The following NUP62CL variants were observed in gnomAD, a reference collection of about 807,000 sequenced individuals.
NUP62CL encodes nucleoporin 62 C-terminal like.
NUP62CL carries 13 observed loss-of-function variants against 15.3 expected under a neutral mutation model. The observed-to-expected ratio is 0.85, with a 90% CI of 0.55 to 1.35. The LOEUF (loss-of-function observed/expected upper bound fraction) is 1.35. Ranked by LOEUF, NUP62CL falls within the 40% of genes most tolerant of loss-of-function variation. NUP62CL has a pLI of 0.00. For synonymous variants in NUP62CL, 54 were observed against 49.2 expected (o/e 1.10, Z -0.41); for missense variants, 123 against 130.6 (o/e 0.94, Z 0.28).
At chrX:107,169,771 C>T (rs1926601818) in intron 3 of NUP62CL, among the ~76,000 whole-genome samples, 1 of 111,350 alleles carries the variant, frequency 9.0e-6, no homozygotes, top group African/African-American at 3.3e-5. Context: ...TTAATTCAAC[C>T]AAACACTGAG....
chrX:107,204,726 TTAAA>T (rs1377335607), intron 1 of NUP62CL, among the ~76,000 whole-genome samples: 1 of 91,645 alleles, frequency 1.1e-5, no homozygotes, highest in African/African-American at 4.6e-5. Context: ...AATTATTTAT[TTAAA>T]TAAATTTTAA....
At chrX:107,140,323 C>G (rs1602638168) in intron 8 of NUP62CL, among the ~76,000 whole-genome samples, 1 of 111,398 alleles carries the variant, frequency 9.0e-6, no homozygotes, top group African/African-American at 3.3e-5. Context: ...TTATGTTCTT[C>G]TTCCTTTACC....
chrX:107,136,935 A>C (rs1339967815), intron 8 of NUP62CL, among the ~76,000 whole-genome samples: 3 of 111,312 alleles, frequency 2.7e-5, no homozygotes, highest in Non-Finnish European at 5.7e-5. Context: ...GTGTGGTGGC[A>C]CGTCTGTAAT....
intron 4 of NUP62CL, among the ~76,000 whole-genome samples, chrX:107,156,508 C>G (rs1387595882): frequency 1.9e-5 from 2 of 105,207 alleles, no homozygotes; most frequent in Non-Finnish European, 3.9e-5. Context: ...AGGCACCCCC[C>G]AGCAGGGGCA....
At chrX:107,195,304 C>G (rs773372362) in intron 1 of NUP62CL, among the ~76,000 whole-genome samples, 1 of 112,177 alleles carries the variant, frequency 8.9e-6, no homozygotes, top group African/African-American at 3.2e-5. Context: ...ATCTGATTTA[C>G]TATCTCCTCC....
chrX:107,204,893 A>T lies in NUP62CL; in HGVS notation c.-92+1380T>A, dbSNP rs867443662. ...AATTATTTAAATAAATTTTAAATAA[A>T]TTATTTAAATAAATTTTAAATAAAT... On this transcript the variant is annotated intron_variant, in intron 1 of 8. Coordinates refer to ENST00000372466, the MANE Select transcript of NUP62CL (RefSeq NM_017681.3). Among the ~76,000 whole-genome samples the T allele has an allele frequency of 1.0e-4, 6 of 58,641 alleles. No homozygotes were observed. In the Admixed American group the frequency reaches 1.2e-3, roughly 12 times the overall value. The allele number at this position is 58,641 out of a possible 115,157, so 50.9% of individuals were successfully genotyped here.
chrX:107,148,596 A>C (rs1925937391), intron 7 of NUP62CL, among the ~76,000 whole-genome samples: 1 of 112,004 alleles, frequency 8.9e-6, no homozygotes, highest in South Asian at 3.7e-4. Context: ...ATACAAAAGA[A>C]GTATTTTTAG....
intron 8 of NUP62CL, among the ~76,000 whole-genome samples, chrX:107,133,329 C>T (rs1041789770): frequency 8.2e-5 from 9 of 109,222 alleles, no homozygotes; most frequent in Non-Finnish European, 9.5e-5. Flanking sequence ...ATTTTAAGAT[C>T]GATAACTTTT....
chrX:107,205,113 T>C (rs2147822264), intron 1 of NUP62CL, among the ~76,000 whole-genome samples: 1 of 111,141 alleles, frequency 9.0e-6, no homozygotes. Flanking sequence ...TAAAAACAGT[T>C]GTCGGTTATA....
intron 8 of NUP62CL, among the ~76,000 whole-genome samples, chrX:107,125,624 A>C (rs907807833): frequency 9.0e-6 from 1 of 111,547 alleles, no homozygotes; most frequent in African/African-American, 3.3e-5. Context: ...CTGGCAAACT[A>C]TATCTCCTTT....
chrX:107,201,764 CA>C (rs1030148844), intron 1 of NUP62CL, among the ~76,000 whole-genome samples: 6 of 107,108 alleles, frequency 5.6e-5, no homozygotes, highest in Non-Finnish European at 7.7e-5. Flanking sequence ...CTTGTCTCTA[CA>C]AAAAAAAATT....
chrX:107,200,430 G>A (rs1280410773), intron 1 of NUP62CL, among the ~76,000 whole-genome samples: 1 of 109,714 alleles, frequency 9.1e-6, no homozygotes, highest in African/African-American at 3.3e-5. Context: ...CCAGCCTTGA[G>A]CAACATGGTG....
intron 8 of NUP62CL, among the ~76,000 whole-genome samples, chrX:107,140,746 C>T (rs998474905): frequency 4.5e-5 from 5 of 112,019 alleles, no homozygotes; most frequent in African/African-American, 1.6e-4. Flanking sequence ...GGCATTGCAG[C>T]AAATACTATT....
intron 4 of NUP62CL, among the ~76,000 whole-genome samples, chrX:107,160,019 C>A (rs1318392299): frequency 1.0e-5 from 1 of 99,510 alleles, no homozygotes; most frequent in Non-Finnish European, 2.0e-5. Context: ...CATGAGTGAA[C>A]TCCCATTCAC....
intron 3 of NUP62CL, among the ~76,000 whole-genome samples, chrX:107,174,559 G>A (rs1926740847): frequency 9.0e-6 from 1 of 111,648 alleles, no homozygotes; most frequent in African/African-American, 3.3e-5. Flanking sequence ...AAAGCATCCA[G>A]ATAGATGGTC....
chrX:107,191,143 C>A (rs1376146345), intron 2 of NUP62CL, among the ~76,000 whole-genome samples: 1 of 98,255 alleles, frequency 1.0e-5, no homozygotes, highest in Non-Finnish European at 2.0e-5. Context: ...AAACAAAAAT[C>A]AACATAATAG....
At chrX:107,189,660 G>A (rs1292440609) in intron 2 of NUP62CL, among the ~76,000 whole-genome samples, 8 of 106,753 alleles carry the variant, frequency 7.5e-5, no homozygotes, top group Non-Finnish European at 1.5e-4. Context: ...GGTGGTGCAC[G>A]TCTATGGTCC....
At position 107,123,596 on chromosome X, in the gene NUP62CL, AG is replaced by A. The variant is rs1434046752; in HGVS notation, c.*778del. The A allele has an allele frequency of 9.0e-6, 1 of 111,634 alleles. No homozygotes were observed. The highest frequency in any genetic ancestry group is 1.9e-5 in the Non-Finnish European group (1 of 53,105). 9.2% of individuals were successfully genotyped at this position (111,634 alleles called of 1,213,427 possible). On this transcript the variant is annotated 3_prime_UTR_variant, in exon 9 of 9. Transcript: ENST00000372466. Reference sequence around the variant, plus strand: ...AAACAAAACAAACAAACAAAAAAAAAGAAAAACAAACAAATATACGGAAATC... The same window carrying A: ...AAACAAAACAAACAAACAAAAAAAAAAAAAACAAACAAATATACGGAAATC...
In NUP62CL at chrX:107,195,043, C is replaced by A. The variant is rs772061576; in HGVS notation, c.-91-1971G>T. On this transcript the variant is annotated intron_variant, in intron 1 of 8. Coordinates refer to ENST00000372466, the MANE Select transcript of NUP62CL (RefSeq NM_017681.3). ...TGTTGGCCAGGCTGGTCTCGAACTC[C>A]TGACCTCAGATGATCTGCCTGCCTC... Among the ~76,000 whole-genome samples the A allele has an allele frequency of 3.6e-5, 4 of 110,036 alleles. No individual in the cohort carries two copies. The South Asian group carries it at 1.6e-3, about 43-fold the overall frequency.
Sources: allele counts gnomAD v4.1 joint callset (sites outside exome capture counted in the v4.1 genomes callset), GRCh38; gene constraint gnomAD v4.1.1; transcripts MANE v1.5; gene names NCBI Gene and HGNC (gene_info 2026-07-23, HGNC 2026-07-21).